SPACA9: variants seen among roughly 807,000 people sequenced by gnomAD.
The protein encoded by SPACA9 is sperm acrosome-associated protein 9.
SPACA9 carries 14 observed loss-of-function variants against 12.5 expected under a neutral mutation model. The ratio of observed to expected loss-of-function variants is 1.12; its 90% CI spans 0.74 to 1.75. The LOEUF (loss-of-function observed/expected upper bound fraction) is 1.75. Ranked by LOEUF, SPACA9 falls within the 40% of genes most tolerant of loss-of-function variation. SPACA9 has a pLI of 0.00. For missense variants in SPACA9, 292 were observed against 291.9 expected, an observed-to-expected ratio of 1.00 and a Z score of 0.00; for synonymous variants, 111 against 114.1, an observed-to-expected ratio of 0.97 and a Z score of 0.17.
Position 132,889,198 on chromosome 9 carries a change from T to C in SPACA9, c.*587T>C. 3.0e-6 allele frequency: 3 copies of C among 986,768 alleles called. No homozygotes were observed. The highest frequency in any genetic ancestry group is 3.6e-6 in the Non-Finnish European group (3 of 830,934). The allele number at this position is 986,768 out of a possible 1,614,324, so 61.1% of individuals were successfully genotyped here. On this transcript the variant is annotated 3_prime_UTR_variant, in exon 4 of 4. Coordinates refer to ENST00000356311, the MANE Select transcript of SPACA9 (RefSeq NM_001316897.2). The stretch of plus-strand genomic sequence containing the variant: ...AGGGTCCCAGGAGGGCACTGAACTG[T>C]CACCTAGGTCCTCTTTGAGCCACAT...
chr9:132,878,806 G>T, upstream of SPACA9: 2 of 981,084 alleles, frequency 2.0e-6, no homozygotes, highest in South Asian at 4.7e-5. The surrounding 1 kb of genome is among the most constrained non-coding windows in gnomAD (Gnocchi z 4.7). Context: ...CCCGGCTCTG[G>T]CCAAGCCGCC....
At chr9:132,890,051 C>T, downstream of SPACA9, 2 of 1,371,350 alleles carry the variant, frequency 1.5e-6, no homozygotes, top group Non-Finnish European at 1.9e-6. Flanking sequence ...ACTTGGTTTC[C>T]TGGGATTTAT....
rs556941212 is a variant in SPACA9 at position 132,889,185 on chromosome 9, G to A, written c.*574G>A. ...GATGGTGTGGTAGAGGGTCCCAGGA[G>A]GGCACTGAACTGTCACCTAGGTCCT... On this transcript the variant is annotated 3_prime_UTR_variant, in exon 4 of 4. Transcript: ENST00000356311. 16 of 987,918 alleles carry A rather than the reference G, an allele frequency of 1.6e-5. No individual in the cohort carries two copies. In the East Asian group the frequency reaches 1.7e-3, roughly 105 times the overall value. 61.2% of individuals were successfully genotyped at this position (987,918 alleles called of 1,614,324 possible).
chr9:132,884,583 A>G, intron 2 of SPACA9, among the ~76,000 whole-genome samples: 1 of 152,156 alleles, frequency 6.6e-6, no homozygotes, highest in East Asian at 1.9e-4. Flanking sequence ...GCTGCTGTCC[A>G]GGTTTGCTGT....
intron 2 of SPACA9, among the ~76,000 whole-genome samples, chr9:132,885,580 T>G (rs1844543945): frequency 6.6e-6 from 1 of 151,432 alleles, no homozygotes; most frequent in African/African-American, 2.4e-5. Context: ...CTCACCCAGA[T>G]TCACCGACTT....
In SPACA9 at chr9:132,888,913, G is replaced by A. The variant is rs951981974; in HGVS notation, c.*302G>A. Reference sequence around the variant, plus strand: ...CTCCCAAGTAGCTGGGACTACAGGCGCCCACCACCTCGCCTGGCTAATTTT... The same window carrying A: ...CTCCCAAGTAGCTGGGACTACAGGCACCCACCACCTCGCCTGGCTAATTTT... On this transcript the variant is annotated 3_prime_UTR_variant, in exon 4 of 4. Coordinates refer to ENST00000356311, the MANE Select transcript of SPACA9 (RefSeq NM_001316897.2). This position sits in a 1 kb window ranked among gnomAD's most constrained non-coding sequence, Gnocchi z 5.0. 10 of 590,334 alleles carry A rather than the reference G, an allele frequency of 1.7e-5. No homozygotes were observed. Among genetic ancestry groups the A allele is most frequent in the East Asian group, 6.4e-5 (1 of 15,698 alleles). The allele number at this position is 590,334 out of a possible 1,614,324, so 36.6% of individuals were successfully genotyped here.
chr9:132,878,770 G>C, upstream of SPACA9: 1 of 985,722 alleles, frequency 1.0e-6, no homozygotes, highest in African/African-American at 1.7e-5. This position sits in a 1 kb window ranked among gnomAD's most constrained non-coding sequence, Gnocchi z 4.7. Flanking sequence ...TCCTAGAGTC[G>C]AGCCCCGGTA....
rs1209972407 is a variant in SPACA9, at chr9:132,888,735, ATAT to A, written c.*127_*129del. 1.1e-5 allele frequency: 16 copies of A among 1,434,748 alleles called. No individual in the cohort carries two copies. In the African/African-American group the frequency reaches 2.2e-4, roughly 19 times the overall value. The allele number at this position is 1,434,748 out of a possible 1,614,324, so 88.9% of individuals were successfully genotyped here. ...ACTAACCCCAAGGGAATCAGCCAATATATTACTGAGACTTCCTCTCTCTCTTCT... is the reference window on the plus strand; with the variant it reads ...ACTAACCCCAAGGGAATCAGCCAATATACTGAGACTTCCTCTCTCTCTTCT... On this transcript the variant is annotated 3_prime_UTR_variant, in exon 4 of 4. Transcript: ENST00000356311. This position sits in a 1 kb window ranked among gnomAD's most constrained non-coding sequence, Gnocchi z 5.0.
rs1844625203 is a variant in SPACA9 at position 132,888,210 on chromosome 9, G to C, written c.348-80G>C. On this transcript the variant is annotated intron_variant, in intron 3 of 3. Transcript: ENST00000356311. The surrounding 1 kb of genome is among the most constrained non-coding windows in gnomAD (Gnocchi z 5.0). ...AAGCCTCCCCAGGTGACTCTGCTGTGCCTGAGGTGTGGCAGCTGCTTGCCA... is the reference window on the plus strand; with the variant it reads ...AAGCCTCCCCAGGTGACTCTGCTGTCCCTGAGGTGTGGCAGCTGCTTGCCA... 6.5e-7 allele frequency: 1 copy of C among 1,546,824 alleles called. No homozygotes were observed. The highest frequency in any genetic ancestry group is 8.7e-7 in the Non-Finnish European group (1 of 1,145,644).
chr9:132,889,348 C>A lies in SPACA9; in HGVS notation c.*737C>A. 1.0e-6 allele frequency: 1 copy of A among 985,516 alleles called. No individual in the cohort carries two copies. The highest frequency in any genetic ancestry group is 4.7e-5 in the South Asian group (1 of 21,292). The allele number at this position is 985,516 out of a possible 1,614,324, so 61.0% of individuals were successfully genotyped here. On this transcript the variant is annotated 3_prime_UTR_variant, in exon 4 of 4. Coordinates refer to ENST00000356311, the MANE Select transcript of SPACA9 (RefSeq NM_001316897.2). ...CTGTAGGCAAGGCACACGCTGTTTGCGAGCCAGGGATGCTCCCCTCCAGGA... is the reference window on the plus strand; with the variant it reads ...CTGTAGGCAAGGCACACGCTGTTTGAGAGCCAGGGATGCTCCCCTCCAGGA...
At position 132,888,521 on chromosome 9, in the gene SPACA9, T is replaced by C. The variant is rs1223433042; in HGVS notation, c.579T>C (p.Thr193=). Residue 193 remains threonine (T), a synonymous_variant, in exon 4 of 4, where the codon ACT becomes ACC. Transcript: ENST00000356311. This position sits in a 1 kb window ranked among gnomAD's most constrained non-coding sequence, Gnocchi z 5.0. ...CCATAGGGACCCAGCCCAGGGCCAC[T>C]AAACACAAGTGTAGACAGCTCACAA... ...AQAIGTQPRA[T]KHKCRQLTKA... is the part of the protein sequence containing the mutation. 1 of 1,575,902 alleles carries C rather than the reference T, an allele frequency of 6.3e-7. No individual in the cohort carries two copies. The highest frequency in any genetic ancestry group is 8.6e-7 in the Non-Finnish European group (1 of 1,161,554).
At position 132,883,993 on chromosome 9, in the gene SPACA9, A is replaced by C; in HGVS notation, c.46A>C (p.Lys16Gln). Reference sequence around the variant, plus strand: ...CCTTCGCAGCATCGAGCAGAAGTACAAGCTCTTCCAGCAGCAGCAGCTCAC... The same window carrying C: ...CCTTCGCAGCATCGAGCAGAAGTACCAGCTCTTCCAGCAGCAGCAGCTCAC... ...ESLRSIEQKY[K>Q]LFQQQQLTFT... The change falls in exon 2 of 4, where the codon AAG (lysine) becomes CAG (glutamine). Residue 16 changes from lysine (K) to glutamine (Q), a missense_variant. Lys to Gln is a moderately conservative substitution (Grantham distance 53). Transcript: ENST00000356311. The C allele has an allele frequency of 6.2e-7, 1 of 1,614,210 alleles. No homozygotes were observed. The highest frequency in any genetic ancestry group is 8.5e-7 in the Non-Finnish European group (1 of 1,180,028).
chr9:132,883,922 C>T lies in SPACA9; in HGVS notation c.-26C>T. 1 of 1,612,770 alleles carries T rather than the reference C, an allele frequency of 6.2e-7. No homozygotes were observed. Among genetic ancestry groups the T allele is most frequent in the Non-Finnish European group, 8.5e-7 (1 of 1,178,804 alleles). On this transcript the variant is annotated 5_prime_UTR_variant, in exon 2 of 4. Coordinates refer to ENST00000356311, the MANE Select transcript of SPACA9 (RefSeq NM_001316897.2). The stretch of plus-strand genomic sequence containing the variant: ...CTGTCTCCCCATAGATTCCTCTTCT[C>T]CTGTAAATGACCACAGAGGAAGACA...
chr9:132,890,004 G>T lies in SPACA9; in HGVS notation c.*1393G>T. 6.8e-7 allele frequency: 1 copy of T among 1,468,576 alleles called. No individual in the cohort carries two copies. Among genetic ancestry groups the T allele is most frequent in the Non-Finnish European group, 9.1e-7 (1 of 1,102,714 alleles). The allele number at this position is 1,468,576 out of a possible 1,614,324, so 91.0% of individuals were successfully genotyped here. On this transcript the variant is annotated 3_prime_UTR_variant, in exon 4 of 4. Coordinates refer to ENST00000356311, the MANE Select transcript of SPACA9 (RefSeq NM_001316897.2). ...ATTGTTGCTTCCTCAGGGGGAGACA[G>T]TCAAGAATAAAAAGTATTCTACCAC... is the stretch of plus-strand genomic sequence containing the variant.
rs1279156374 is a variant in SPACA9, at chr9:132,883,898, T to C, written c.-37-13T>C. 1.2e-6 allele frequency: 2 copies of C among 1,600,962 alleles called. No individual in the cohort carries two copies. The highest frequency in any genetic ancestry group is 1.7e-6 in the Non-Finnish European group (2 of 1,168,796). ...GTCCCAGGACCTCATCACTATCCTC[T>C]GTCTCCCCATAGATTCCTCTTCTCC... On this transcript the variant is annotated splice_polypyrimidine_tract_variant and intron_variant, in intron 1 of 3. Transcript: ENST00000356311.
In SPACA9 at chr9:132,888,733, A is replaced by G; in HGVS notation, c.*122A>G. The stretch of plus-strand genomic sequence containing the variant: ...TTACTAACCCCAAGGGAATCAGCCA[A>G]TATATTACTGAGACTTCCTCTCTCT... On this transcript the variant is annotated 3_prime_UTR_variant, in exon 4 of 4. Coordinates refer to ENST00000356311, the MANE Select transcript of SPACA9 (RefSeq NM_001316897.2). The surrounding 1 kb of genome is among the most constrained non-coding windows in gnomAD (Gnocchi z 5.0). The G allele has an allele frequency of 1.4e-6, 2 of 1,439,076 alleles. No homozygotes were observed. The highest frequency in any genetic ancestry group is 1.8e-6 in the Non-Finnish European group (2 of 1,096,406). The allele number at this position is 1,439,076 out of a possible 1,614,324, so 89.1% of individuals were successfully genotyped here. A position where few individuals can be genotyped will look rare whatever the true frequency, so the allele number is the denominator to read the frequency against.
upstream of SPACA9, chr9:132,878,458 G>A (rs983947516): frequency 1.6e-6 from 2 of 1,223,108 alleles, no homozygotes; most frequent in Non-Finnish European, 2.0e-6. The surrounding 1 kb of genome is among the most constrained non-coding windows in gnomAD (Gnocchi z 4.7). Context: ...CCCCAACCCC[G>A]GCCTCGCTTT....
In SPACA9 at chr9:132,888,248, T is replaced by A; in HGVS notation, c.348-42T>A. The A allele has an allele frequency of 3.8e-6, 6 of 1,562,764 alleles. No homozygotes were observed. The highest frequency in any genetic ancestry group is 5.2e-6 in the Non-Finnish European group (6 of 1,152,742). On this transcript the variant is annotated intron_variant, in intron 3 of 3. Coordinates refer to ENST00000356311, the MANE Select transcript of SPACA9 (RefSeq NM_001316897.2). The surrounding 1 kb of genome is among the most constrained non-coding windows in gnomAD (Gnocchi z 5.0). Reference sequence around the variant, plus strand: ...CAGCTGCTTGCCACGGCATGGCAAGTCCCGGGAGCATGGGTTCACCTGGCC... The same window carrying A: ...CAGCTGCTTGCCACGGCATGGCAAGACCCGGGAGCATGGGTTCACCTGGCC...
At chr9:132,878,559 G>T (rs1471168303), upstream of SPACA9, 1 of 1,152,676 alleles carries the variant, frequency 8.7e-7, no homozygotes, top group African/African-American at 1.6e-5. This position sits in a 1 kb window ranked among gnomAD's most constrained non-coding sequence, Gnocchi z 4.7. Context: ...CCCAGAAGGG[G>T]CAAGTCGGCC....
Sources: allele counts gnomAD v4.1 joint callset (sites outside exome capture counted in the v4.1 genomes callset), GRCh38; gene constraint gnomAD v4.1.1; non-coding constraint Gnocchi (gnomAD v3.1); transcripts MANE v1.5; gene names NCBI Gene and HGNC (gene_info 2026-07-23, HGNC 2026-07-21).